FZD3: variants seen among roughly 807,000 people sequenced by gnomAD.
FZD3 encodes the protein frizzled class receptor 3, also known as frizzled-3.
A neutral mutation model predicts 60.7 loss-of-function variants in FZD3; 30 were observed. That is an observed-to-expected ratio of 0.49 (90% confidence interval 0.37 to 0.67). The LOEUF (loss-of-function observed/expected upper bound fraction) is 0.67, where lower values mean the gene tolerates loss of function less well. Ranked by LOEUF, FZD3 falls within the 30% of genes least tolerant of loss-of-function variation. FZD3 has a pLI of 0.00. For synonymous variants in FZD3, 246 were observed against 275.2 expected, an observed-to-expected ratio of 0.89 and a Z score of 1.05; for missense variants, 605 against 838.7, an observed-to-expected ratio of 0.72 and a Z score of 3.44.
At chr8:28,510,125 TG>T (rs372979111) in intron 3 of FZD3, among the ~76,000 whole-genome samples, 7 of 131,368 alleles carry the variant, frequency 5.3e-5, no homozygotes, top group African/African-American at 2.0e-4. Flanking sequence ...TTTGTTTTTT[TG>T]TTTTTTGTTT....
chr8:28,523,406 C>G (rs985443620), intron 4 of FZD3, among the ~76,000 whole-genome samples: 5 of 152,010 alleles, frequency 3.3e-5, no homozygotes, highest in East Asian at 1.9e-4. Context: ...GGACATTAAT[C>G]CTTTAATTGT....
In FZD3 at chr8:28,503,340, G is replaced by A. The variant is rs375960142; in HGVS notation, c.189+138G>A. ...AATTATATCTTATAAATTTAAAAAT[G>A]TATATGTTTTGCTTCAGACTCTAAT... On this transcript the variant is annotated intron_variant, in intron 3 of 7. Transcript: ENST00000240093. 30 of 509,722 alleles carry A rather than the reference G, an allele frequency of 5.9e-5. 1 individual carries two copies. Among genetic ancestry groups the A allele is most frequent in the East Asian group, 4.8e-4 (15 of 31,416 alleles). The allele number at this position is 509,722 out of a possible 1,614,324, so 31.6% of individuals were successfully genotyped here. A position where few individuals can be genotyped will look rare whatever the true frequency, so the allele number is the denominator to read the frequency against.
intron 4 of FZD3, among the ~76,000 whole-genome samples, chr8:28,521,507 C>T (rs889508249): frequency 1.4e-4 from 21 of 152,028 alleles, no homozygotes; most frequent in African/African-American, 4.3e-4. Context: ...CCAATCTTAA[C>T]AGTTTGTAAT....
At chr8:28,526,419 A>T (rs1168803267) in intron 4 of FZD3, among the ~76,000 whole-genome samples, 1 of 152,142 alleles carries the variant, frequency 6.6e-6, no homozygotes. Context: ...CCTTCCCCTT[A>T]TGTAACTAAT....
intron 5 of FZD3, among the ~76,000 whole-genome samples, chr8:28,533,792 T>C (rs1804939929): frequency 1.3e-5 from 2 of 152,158 alleles, no homozygotes; most frequent in Admixed American, 6.5e-5. Flanking sequence ...TTCTAGGATT[T>C]CCTTTCTCTT....
intron 3 of FZD3, among the ~76,000 whole-genome samples, chr8:28,518,005 C>T (rs988520894): frequency 4.6e-5 from 7 of 152,142 alleles, no homozygotes; most frequent in African/African-American, 9.7e-5. Context: ...ATCCTCTTTT[C>T]TGCTTAGCAC....
At position 28,565,625 on chromosome 8, in the gene FZD3, T is replaced by G. The variant is rs181482625; in HGVS notation, c.*2614T>G. ...ATCTTAACTTTGTGCTTCTAGATTTTTAGATAATCATTTGTATTTTCTCTA... is the reference window on the plus strand; with the variant it reads ...ATCTTAACTTTGTGCTTCTAGATTTGTAGATAATCATTTGTATTTTCTCTA... On this transcript the variant is annotated 3_prime_UTR_variant, in exon 8 of 8. Coordinates refer to ENST00000240093, the MANE Select transcript of FZD3 (RefSeq NM_017412.4). 6.6e-6 allele frequency: 1 copy of G among 152,350 alleles called. No individual in the cohort carries two copies. The highest frequency in any genetic ancestry group is 1.9e-4 in the East Asian group (1 of 5,186). 9.4% of individuals were successfully genotyped at this position (152,350 alleles called of 1,614,324 possible).
intron 3 of FZD3, among the ~76,000 whole-genome samples, chr8:28,508,333 T>C (rs1394426626): frequency 1.3e-5 from 2 of 152,170 alleles, no homozygotes; most frequent in Non-Finnish European, 2.9e-5. Context: ...TCCTTTTATT[T>C]GGAAATGATG....
intron 6 of FZD3, among the ~76,000 whole-genome samples, chr8:28,554,967 T>A (rs1422578969): frequency 6.6e-6 from 1 of 152,182 alleles, no homozygotes; most frequent in Non-Finnish European, 1.5e-5. Context: ...TACAACTGTT[T>A]AATTAGCTCT....
Position 28,564,264 on chromosome 8 carries a change from A to C in FZD3, c.*1253A>C, listed in dbSNP as rs352222. 0.63 allele frequency: 95,178 copies of C among 151,854 alleles called. 30,258 individuals are homozygous for C. The highest frequency in any genetic ancestry group is 0.72 in the African/African-American group (29,684 of 41,400). The allele number at this position is 151,854 out of a possible 1,614,324, so 9.4% of individuals were successfully genotyped here. On this transcript the variant is annotated 3_prime_UTR_variant, in exon 8 of 8. Transcript: ENST00000240093. ...AATAATTTACAATATAAACTGTAAA[A>C]CTTATTAGGCATGAAATCAATCAGA...
chr8:28,520,221 CA>C (rs199633141), intron 3 of FZD3, among the ~76,000 whole-genome samples: 110 of 130,994 alleles, frequency 8.4e-4, no homozygotes, highest in South Asian at 1.2e-3. Context: ...AAAAAAACAA[CA>C]AAAAAAAAAA....
At position 28,570,624 on chromosome 8, in the gene FZD3, CAA is replaced by C. The variant is rs537672856; in HGVS notation, c.*7625_*7626del. On this transcript the variant is annotated 3_prime_UTR_variant, in exon 8 of 8. Transcript: ENST00000240093. ...TGGGCAACGGAGCGAGACTCTATCT[CAA>C]AAAAAAAAAAAGAAAAAAAAAAAAG... 10 of 103,728 alleles carry C rather than the reference CAA, an allele frequency of 9.6e-5. No individual in the cohort carries two copies. Among genetic ancestry groups the C allele is most frequent in the South Asian group, 3.1e-4 (1 of 3,246 alleles). The allele number at this position is 103,728 out of a possible 1,614,324, so 6.4% of individuals were successfully genotyped here.
intron 5 of FZD3, among the ~76,000 whole-genome samples, chr8:28,535,262 C>G (rs952359409): frequency 1.3e-5 from 2 of 151,920 alleles, no homozygotes; most frequent in South Asian, 2.1e-4. Context: ...TAGGTTTTAG[C>G]ACAGTTTTAG....
At chr8:28,548,882 T>G (rs764697988) in intron 5 of FZD3, among the ~76,000 whole-genome samples, 57 of 152,374 alleles carry the variant, frequency 3.7e-4, no homozygotes, top group Admixed American at 7.8e-4. Context: ...GGGTGTGTTT[T>G]AAAACATCTT....
chr8:28,497,197 A>AT (rs1284307909), intron 1 of FZD3, among the ~76,000 whole-genome samples: 1 of 152,238 alleles, frequency 6.6e-6, no homozygotes, highest in Non-Finnish European at 1.5e-5. Flanking sequence ...ACATTGGAAG[A>AT]TTAAGTTATT....
chr8:28,525,999 A>G (rs940239195), intron 4 of FZD3, among the ~76,000 whole-genome samples: 2 of 152,174 alleles, frequency 1.3e-5, no homozygotes, highest in Admixed American at 1.3e-4. Flanking sequence ...ATTTATGGAG[A>G]TGGAGAAACC....
At chr8:28,546,919 G>A (rs1299950522) in intron 5 of FZD3, among the ~76,000 whole-genome samples, 4 of 144,368 alleles carry the variant, frequency 2.8e-5, no homozygotes, top group Admixed American at 1.4e-4. Context: ...GCAGTGAGCC[G>A]AGATCGTGCC....
chr8:28,543,827 C>CT (rs1805232585), intron 5 of FZD3, among the ~76,000 whole-genome samples: 1 of 152,058 alleles, frequency 6.6e-6, no homozygotes, highest in Non-Finnish European at 1.5e-5. Context: ...AAACTAGTCT[C>CT]TAATTCCCCA....
At chr8:28,547,921 C>G (rs1246489811) in intron 5 of FZD3, among the ~76,000 whole-genome samples, 1 of 150,742 alleles carries the variant, frequency 6.6e-6, no homozygotes, top group Non-Finnish European at 1.5e-5. Context: ...GGCATGATCT[C>G]AGCTCACTGC....
Sources: gnomAD v4.1 joint callset for allele counts (sites outside exome capture counted in the v4.1 genomes callset) on GRCh38, gnomAD v4.1.1 for gene constraint, MANE v1.5 for transcripts, NCBI Gene and HGNC (gene_info 2026-07-23, HGNC 2026-07-21) for gene names.